The following NEBL variants were observed in gnomAD, a reference collection of about 807,000 sequenced individuals.
The protein encoded by NEBL is LIM and SH3 protein 2.
In NEBL, 122 loss-of-function variants were observed where a neutral mutation model predicts 140.2. The observed-to-expected ratio is 0.87, with a 90% CI of 0.75 to 1.01. The LOEUF (loss-of-function observed/expected upper bound fraction) is 1.01. NEBL is among the 50% of genes least tolerant of loss of function. NEBL has a pLI of 0.00. For missense variants in NEBL, 1,365 were observed against 1,231.3 expected, an observed-to-expected ratio of 1.11 and a Z score of -1.62; for synonymous variants, 436 against 398.9, an observed-to-expected ratio of 1.09 and a Z score of -1.11.
At chr10:20,889,716 T>C in intron 3 of NEBL, 129 bp downstream of exon 3, 3 of 698,634 alleles carry the variant, frequency 4.3e-6, no homozygotes, top group Non-Finnish European at 2.6e-6. Context: ...TAGATAATTA[T>C]GTAGCTATTA....
chr10:21,009,677 G>T (rs908818457), intron 3 of NEBL, among the ~76,000 whole-genome samples: 1 of 152,080 alleles, frequency 6.6e-6, no homozygotes, highest in South Asian at 2.1e-4. Flanking sequence ...TGTCCCAAAC[G>T]GAAGCTTTTT....
At chr10:20,976,337 TAAA>T (rs34974239) in intron 3 of NEBL, among the ~76,000 whole-genome samples, 2 of 131,474 alleles carry the variant, frequency 1.5e-5, no homozygotes, top group Non-Finnish European at 3.3e-5. Flanking sequence ...GACTCTATAT[TAAA>T]AAAAAAAAAA....
chr10:20,971,356 A>T (rs373732472), intron 3 of NEBL, among the ~76,000 whole-genome samples: 1 of 152,132 alleles, frequency 6.6e-6, no homozygotes, highest in Non-Finnish European at 1.5e-5. Context: ...TTCTGAACAC[A>T]TGTTCTCTTA....
chr10:21,162,147 A>C (rs1156355338), intron 2 of NEBL, among the ~76,000 whole-genome samples: 1 of 152,208 alleles, frequency 6.6e-6, no homozygotes, highest in Admixed American at 6.5e-5. Context: ...CTGGTTGATG[A>C]TTGCACCAAT....
chr10:20,882,920 G>C (rs142298454), intron 4 of NEBL, among the ~76,000 whole-genome samples: 2,440 of 152,106 alleles, frequency 0.016, 39 homozygotes, highest in Non-Finnish European at 0.021. Context: ...TCTCCCCCTA[G>C]CTGCGTCTAT....
intron 4 of NEBL, among the ~76,000 whole-genome samples, chr10:20,919,864 C>G: frequency 6.6e-6 from 1 of 152,008 alleles, no homozygotes; most frequent in South Asian, 2.1e-4. Context: ...CTAAAATGTA[C>G]ACAGAAAAAG....
chr10:20,897,412 C>G, upstream of NEBL: 1 of 1,321,312 alleles, frequency 7.6e-7, no homozygotes, highest in Non-Finnish European at 9.6e-7. Context: ...ACCAGGCTGG[C>G]CTCACAAGTG....
chr10:20,934,485 T>C (rs912294046), intron 4 of NEBL, among the ~76,000 whole-genome samples: 3 of 152,264 alleles, frequency 2.0e-5, no homozygotes, highest in African/African-American at 4.8e-5. Context: ...AACTGAATTC[T>C]AGCCTGTGGA....
At chr10:20,947,273 T>C (rs1277402996) in intron 4 of NEBL, among the ~76,000 whole-genome samples, 1 of 151,920 alleles carries the variant, frequency 6.6e-6, no homozygotes, top group Admixed American at 6.6e-5. Flanking sequence ...ATTAGGGGAG[T>C]TGTAGGGTAA....
chr10:20,939,065 T>C (rs1043835249), intron 4 of NEBL, among the ~76,000 whole-genome samples: 1 of 152,020 alleles, frequency 6.6e-6, no homozygotes. Flanking sequence ...AGGCCAACAT[T>C]CAGATTCAGG....
intron 26 of NEBL, chr10:20,793,462 C>T (rs988162563): frequency 3.5e-5 from 15 of 430,438 alleles, no homozygotes; most frequent in African/African-American, 1.9e-4. Context: ...CTGCATATGA[C>T]GTTCAGGTCC....
At chr10:20,794,523 C>T (rs1001823927) in intron 26 of NEBL, among the ~76,000 whole-genome samples, 13 of 152,100 alleles carry the variant, frequency 8.5e-5, no homozygotes, top group African/African-American at 3.1e-4. Context: ...AATATACATA[C>T]CATAAATGTA....
chr10:20,949,338 C>T (rs190512660), intron 4 of NEBL, among the ~76,000 whole-genome samples: 2 of 152,242 alleles, frequency 1.3e-5, no homozygotes, highest in East Asian at 1.9e-4. Flanking sequence ...GGACAAATAC[C>T]TAATGCATGC....
chr10:21,218,474 T>TC (rs1002311787), intron 3 of NEBL, among the ~76,000 whole-genome samples: 2 of 151,896 alleles, frequency 1.3e-5, no homozygotes, highest in African/African-American at 4.9e-5. Context: ...ATAAAATTTT[T>TC]TTATCTTTGC....
chr10:21,025,229 G>A (rs1485908856), intron 2 of NEBL, among the ~76,000 whole-genome samples: 1 of 152,166 alleles, frequency 6.6e-6, no homozygotes, highest in Non-Finnish European at 1.5e-5. Context: ...GTGGAAATAT[G>A]ACATGTAACG....
Position 20,785,230 on chromosome 10 carries a change from T to C in NEBL, c.*517A>G, listed in dbSNP as rs1325380545. 2 of 166,720 alleles carry C rather than the reference T, an allele frequency of 1.2e-5. No homozygotes were observed. Among genetic ancestry groups the C allele is most frequent in the East Asian group, 1.7e-4 (1 of 5,952 alleles). The allele number at this position is 166,720 out of a possible 1,614,324, so 10.3% of individuals were successfully genotyped here. ...AGATCCCTAAGGCCACCAGTCAATA[T>C]AATTTTAACCAGACTGTCCTTCTGC... On this transcript the variant is annotated 3_prime_UTR_variant, in exon 28 of 28. Coordinates refer to ENST00000377122, the MANE Select transcript of NEBL (RefSeq NM_006393.3).
chr10:21,043,121 T>C (rs1042862623), intron 2 of NEBL, among the ~76,000 whole-genome samples: 1 of 152,228 alleles, frequency 6.6e-6, no homozygotes, highest in Non-Finnish European at 1.5e-5. Context: ...TAGGCCTTTT[T>C]CCCTCATATA....
chr10:20,938,100 C>T (rs1834605331), intron 4 of NEBL, among the ~76,000 whole-genome samples: 1 of 152,180 alleles, frequency 6.6e-6, no homozygotes, highest in Non-Finnish European at 1.5e-5. Flanking sequence ...AGTGGTTCTC[C>T]CAGCACACAG....
At chr10:20,793,772 T>C (rs1836234754) in intron 26 of NEBL, among the ~76,000 whole-genome samples, 1 of 152,064 alleles carries the variant, frequency 6.6e-6, no homozygotes, top group Non-Finnish European at 1.5e-5. Context: ...CCCAGACTGG[T>C]CTCAAACTCC....
Sources: allele counts gnomAD v4.1 joint callset (sites outside exome capture counted in the v4.1 genomes callset), GRCh38; gene constraint gnomAD v4.1.1; transcripts MANE v1.5; gene names NCBI Gene and HGNC (gene_info 2026-07-23, HGNC 2026-07-21).